HDAC9: variants seen among roughly 807,000 people sequenced by gnomAD.
The protein encoded by HDAC9 is MEF-2 interacting transcription repressor (MITR) protein.
Under a neutral mutation model 139.4 loss-of-function variants are expected in HDAC9, and 41 were observed. The ratio of observed to expected loss-of-function variants is 0.29; its 90% confidence interval spans 0.23 to 0.38. The LOEUF is 0.38. HDAC9 is among the 10% of genes least tolerant of loss of function. The pLI is 1.00. For synonymous variants in HDAC9, 517 were observed against 476.2 expected (o/e 1.09, Z -1.12); for missense variants, 1,147 against 1,297.0 (o/e 0.88, Z 1.78).
chr7:18,144,061 A>T (rs923007063), intron 1 of HDAC9, among the ~76,000 whole-genome samples: 1 of 152,170 alleles, frequency 6.6e-6, no homozygotes, highest in Admixed American at 6.5e-5. Flanking sequence ...TTTTGATTTT[A>T]ATGACTTTCA....
chr7:18,602,425 C>G (rs1344747867), intron 6 of HDAC9, among the ~76,000 whole-genome samples: 2 of 151,418 alleles, frequency 1.3e-5, no homozygotes, highest in African/African-American at 4.8e-5. Context: ...TGAGTTTTCT[C>G]TCTTGATTTC....
chr7:18,642,135 T>C (rs1785825917), intron 8 of HDAC9, among the ~76,000 whole-genome samples: 1 of 151,758 alleles, frequency 6.6e-6, no homozygotes, highest in African/African-American at 2.4e-5. Context: ...CAGTTAAGAG[T>C]CTTTGGGAAG....
intron 6 of HDAC9, among the ~76,000 whole-genome samples, chr7:18,602,096 T>G (rs1454185960): frequency 6.6e-6 from 1 of 152,154 alleles, no homozygotes; most frequent in Non-Finnish European, 1.5e-5. Flanking sequence ...ACCTGGTGCT[T>G]TCCTTTTTGG....
chr7:18,577,686 T>C (rs1826416510), intron 2 of HDAC9, among the ~76,000 whole-genome samples: 1 of 152,022 alleles, frequency 6.6e-6, no homozygotes, highest in Non-Finnish European at 1.5e-5. Context: ...GCTCAAAAAA[T>C]GTTTGTTGAA....
At chr7:18,607,128 A>C (rs189821175) in intron 6 of HDAC9, among the ~76,000 whole-genome samples, 312 of 152,344 alleles carry the variant, frequency 2.0e-3, no homozygotes, top group African/African-American at 7.1e-3. Flanking sequence ...AAAATGATTT[A>C]AATTTCACAG....
chr7:18,153,751 A>G (rs1786962317), intron 1 of HDAC9, among the ~76,000 whole-genome samples: 1 of 152,214 alleles, frequency 6.6e-6, no homozygotes, highest in Non-Finnish European at 1.5e-5. Context: ...AGGAGTAAAC[A>G]GAATCAGTGC....
chr7:18,277,017 T>G (rs1184822481), intron 2 of HDAC9, among the ~76,000 whole-genome samples: 2 of 152,202 alleles, frequency 1.3e-5, no homozygotes, highest in African/African-American at 2.4e-5. Context: ...TTTATTAATT[T>G]GATTTGAAAT....
chr7:18,219,901 G>A (rs1792572548), intron 2 of HDAC9, among the ~76,000 whole-genome samples: 1 of 152,098 alleles, frequency 6.6e-6, no homozygotes. Flanking sequence ...GGAATAAGGC[G>A]CTTATTTTAT....
In HDAC9 at chr7:18,929,750, A is replaced by G. The variant is rs138136404; in HGVS notation, c.2804-6059A>G. Among the ~76,000 whole-genome samples the G allele has an allele frequency of 2.6e-3, 397 of 152,164 alleles. 1 individual carries two copies. The highest frequency in any genetic ancestry group is 0.014 in the Middle Eastern group (4 of 294). ...CAAGAGATCGAGACTATCCTGGCCA[A>G]CCAACATGGTGAAACCGCGTCTCTA... On this transcript the variant is annotated intron_variant, in intron 22 of 25. Coordinates refer to ENST00000686413, the MANE Select transcript of HDAC9 (RefSeq NM_178425.4).
In HDAC9 at chr7:18,980,234, T is replaced by A. The variant is rs189466861; in HGVS notation, c.3170+4281T>A. Among the ~76,000 whole-genome samples the A allele has an allele frequency of 9.1e-4, 139 of 152,318 alleles. 2 individuals carry two copies. The highest frequency in any genetic ancestry group is 3.2e-3 in the African/African-American group (132 of 41,574). ...GTTCTAATCCTCCAATGCCCAGTTA[T>A]GTATTTTGGGGTTCAGTTCTGTATT... On this transcript the variant is annotated intron_variant, in intron 25 of 25. Coordinates refer to ENST00000686413, the MANE Select transcript of HDAC9 (RefSeq NM_178425.4).
chr7:18,444,521 T>A (rs770135636), intron 1 of HDAC9, among the ~76,000 whole-genome samples: 3 of 152,090 alleles, frequency 2.0e-5, no homozygotes, highest in Non-Finnish European at 2.9e-5. Flanking sequence ...CCCATACTCA[T>A]CTTAGTACTT....
chr7:18,210,230 C>A (rs533507311), intron 2 of HDAC9, among the ~76,000 whole-genome samples: 1 of 152,072 alleles, frequency 6.6e-6, no homozygotes, highest in Non-Finnish European at 1.5e-5. Context: ...TAAGACAAGA[C>A]ATAGATCTGG....
chr7:18,887,972 C>A (rs1221684751), intron 22 of HDAC9, among the ~76,000 whole-genome samples: 1 of 152,162 alleles, frequency 6.6e-6, no homozygotes, highest in Non-Finnish European at 1.5e-5. Context: ...AATTTAGCCA[C>A]CTTTACCCAA....
At chr7:18,626,563 A>T (rs927992892) in intron 6 of HDAC9, among the ~76,000 whole-genome samples, 1 of 152,320 alleles carries the variant, frequency 6.6e-6, no homozygotes, top group Middle Eastern at 3.4e-3. Context: ...GTATCATCTT[A>T]GTTGGTCTGT....
chr7:18,362,348 A>C (rs997154371), intron 1 of HDAC9, among the ~76,000 whole-genome samples: 3 of 152,156 alleles, frequency 2.0e-5, no homozygotes, highest in African/African-American at 4.8e-5. Flanking sequence ...ATATTTTTCT[A>C]TTATCTTTGT....
intron 2 of HDAC9, among the ~76,000 whole-genome samples, chr7:18,178,342 C>G (rs1789118400): frequency 6.6e-6 from 1 of 152,224 alleles, no homozygotes; most frequent in Admixed American, 6.5e-5. Context: ...GCCTTGGGCT[C>G]CCAAAGTGCT....
intron 1 of HDAC9, among the ~76,000 whole-genome samples, chr7:18,132,396 T>C (rs921423840): frequency 1.3e-5 from 2 of 152,100 alleles, no homozygotes; most frequent in Admixed American, 1.3e-4. Context: ...CTTTTTTTCT[T>C]TTTGTTTTTG....
chr7:18,495,746 G>A, upstream of HDAC9: 1 of 989,994 alleles, frequency 1.0e-6, no homozygotes, highest in Non-Finnish European at 1.2e-6. Context: ...ACTGAGAAAG[G>A]GGGAAGAGAG....
At chr7:18,204,154 A>G (rs1209622036) in intron 2 of HDAC9, among the ~76,000 whole-genome samples, 1 of 152,146 alleles carries the variant, frequency 6.6e-6, no homozygotes, top group Non-Finnish European at 1.5e-5. Context: ...AGTTTTAAAA[A>G]TAATATATAT....
Sources: allele counts gnomAD v4.1 joint callset (sites outside exome capture counted in the v4.1 genomes callset), GRCh38; gene constraint gnomAD v4.1.1; transcripts MANE v1.5; gene names NCBI Gene and HGNC (gene_info 2026-07-23, HGNC 2026-07-21).